Variants in MED29 observed in about 807,000 individuals in gnomAD.
The protein encoded by MED29 is mediator complex subunit 29, also known as mediator of RNA polymerase II transcription subunit 29.
A neutral mutation model predicts 22.0 loss-of-function variants in MED29; 14 were observed. That is an observed-to-expected ratio of 0.64 (90% confidence interval 0.42 to 0.99). The LOEUF is 0.99. Among genes scored for constraint, MED29 ranks in the 50% least tolerant of loss-of-function variants. MED29 has a pLI of 0.00. For missense variants in MED29, 241 were observed against 253.7 expected, an observed-to-expected ratio of 0.95 and a Z score of 0.34; for synonymous variants, 123 against 107.8, an observed-to-expected ratio of 1.14 and a Z score of -0.87.
intron 2 of MED29, among the ~76,000 whole-genome samples, chr19:39,393,081 C>CTTTTTTTCTTTTTTTTT (rs2078406568): frequency 2.9e-5 from 1 of 34,712 alleles, no homozygotes; most frequent in Non-Finnish European, 5.5e-5. Flanking sequence ...TCTTTCTTTT[C>CTTTTTTTCTTTTTTTTT]TTTTTTTTTT....
chr19:39,391,744 A>C, intron 1 of MED29, 106 bp downstream of exon 1: 10 of 1,366,298 alleles, frequency 7.3e-6, no homozygotes, highest in Non-Finnish European at 9.8e-6. Context: ...GAGGAATAGA[A>C]CCTGCTGTTT....
At position 39,393,528 on chromosome 19, in the gene MED29, G is replaced by A. The variant is rs79475116; in HGVS notation, c.276-25G>A. ...CCAAAGATTAGAAATCAATTCTTCA[G>A]ACATCCTTTTTTCCTTGTCTGTAGA... On this transcript the variant is annotated intron_variant, in intron 2 of 3. Transcript: ENST00000315588. 4.3e-4 allele frequency: 693 copies of A among 1,607,184 alleles called. 5 individuals carry two copies. The African/African-American group carries it at 8.4e-3, about 19-fold the overall frequency.
intron 3 of MED29, among the ~76,000 whole-genome samples, chr19:39,397,171 T>G (rs2078433115): frequency 6.6e-6 from 1 of 152,212 alleles, no homozygotes; most frequent in African/African-American, 2.4e-5. Flanking sequence ...TTAAACAGTG[T>G]GCCAGGACCC....
chr19:39,393,432 C>T, intron 2 of MED29, 121 bp from the exon 3 acceptor site: 1 of 912,134 alleles, frequency 1.1e-6, no homozygotes, highest in South Asian at 1.4e-5. Flanking sequence ...CGGTTTTCAA[C>T]CACTACTTCA....
At chr19:39,393,497 G>T in intron 2 of MED29, 56 bp from the exon 3 acceptor site, 3 of 1,497,966 alleles carry the variant, frequency 2.0e-6, no homozygotes, top group Non-Finnish European at 2.8e-6. Context: ...GGTAGATACT[G>T]GTGTCCCAAA....
Position 39,399,789 on chromosome 19 carries a change from ACAT to A in MED29, c.*2093_*2095del, listed in dbSNP as rs1248141224. 2.0e-5 allele frequency: 3 copies of A among 152,310 alleles called. No individual in the cohort carries two copies. The highest frequency in any genetic ancestry group is 4.1e-4 in the South Asian group (2 of 4,826). The allele number at this position is 152,310 out of a possible 1,614,324, so 9.4% of individuals were successfully genotyped here. ...GGCCCTCCCAGGTGGTGTCAACACAACATCACACACAGGTGGGGGGGCCTGATA... is the reference window on the plus strand; with the variant it reads ...GGCCCTCCCAGGTGGTGTCAACACAACACACACAGGTGGGGGGGCCTGATA... On this transcript the variant is annotated 3_prime_UTR_variant, in exon 4 of 4. Coordinates refer to ENST00000315588, the MANE Select transcript of MED29 (RefSeq NM_017592.4).
In MED29 at chr19:39,397,646, A is replaced by T. The variant is rs1472986440; in HGVS notation, c.550A>T (p.Lys184Ter). The change falls in exon 4 of 4, where the codon AAG becomes TAG. Residue 184 changes from lysine to a stop codon, truncating the protein, a stop_gained. Coordinates refer to ENST00000315588, the MANE Select transcript of MED29 (RefSeq NM_017592.4). LOFTEE classifies it high-confidence loss of function. ...IHTALLDCANKVTGKTPAPPA... is the reference protein window; with the variant it reads ...IHTALLDCAN Reference sequence around the variant, plus strand: ...CACCGCCCTGCTGGACTGTGCCAACAAGGTCACGGGCAAGACACCCGCACC... The same window carrying T: ...CACCGCCCTGCTGGACTGTGCCAACTAGGTCACGGGCAAGACACCCGCACC... 3 of 1,613,024 alleles carry T rather than the reference A, an allele frequency of 1.9e-6. No individual in the cohort carries two copies. In the East Asian group the frequency reaches 6.7e-5, roughly 36 times the overall value.
rs548339756 is a variant in MED29, at chr19:39,393,067, T to C, written c.276-486T>C. Among the ~76,000 whole-genome samples, 831 of 119,362 alleles carry C rather than the reference T, an allele frequency of 7.0e-3. 11 individuals carry two copies. The highest frequency in any genetic ancestry group is 0.011 in the Non-Finnish European group (629 of 59,786). 78.3% of individuals were successfully genotyped at this position (119,362 alleles called of 152,430 possible). Reference sequence around the variant, plus strand: ...GCCCAGCCTTTTCCTTTTCTTTCTTTCTTTCTTTCTTTTCTTTTTTTTTTT... The same window carrying C: ...GCCCAGCCTTTTCCTTTTCTTTCTTCCTTTCTTTCTTTTCTTTTTTTTTTT... On this transcript the variant is annotated intron_variant, in intron 2 of 3. Transcript: ENST00000315588.
intron 3 of MED29, 82 bp from the exon 4 acceptor site, chr19:39,397,375 G>A (rs538365028): frequency 1.3e-4 from 189 of 1,480,250 alleles, no homozygotes; most frequent in East Asian, 3.2e-4. Flanking sequence ...AGGCCAAGCC[G>A]ACAACCCCCA....
At chr19:39,391,846 G>A (rs1409298388) in intron 1 of MED29, among the ~76,000 whole-genome samples, 1 of 152,072 alleles carries the variant, frequency 6.6e-6, no homozygotes, top group African/African-American at 2.4e-5. Flanking sequence ...CCAGCCTGGT[G>A]AAACCTCGTC....
intron 3 of MED29, among the ~76,000 whole-genome samples, chr19:39,395,883 C>CT (rs1489925897): frequency 2.0e-5 from 3 of 151,854 alleles, no homozygotes; most frequent in Non-Finnish European, 4.4e-5. Context: ...CACCACTGCA[C>CT]TCCAGCCTGG....
chr19:39,392,790 G>A, intron 2 of MED29: 1 of 410,462 alleles, frequency 2.4e-6, no homozygotes, highest in African/African-American at 2.1e-5. Flanking sequence ...GACTACAGAT[G>A]CCTGGCTAAT....
At position 39,391,457 on chromosome 19, in the gene MED29, C is replaced by T. The variant is rs78380192; in HGVS notation, c.35C>T (p.Ser12Phe). ...AASQQQASAA[S>F]SAAGVSGPSS... ...TCCCAGCAGCAAGCTTCAGCGGCTT[C>T]CTCAGCTGCTGGTGTATCGGGTCCT... is the stretch of plus-strand genomic sequence containing the variant. The change falls in exon 1 of 4, where the codon TCC becomes TTC. Residue 12 changes from serine to phenylalanine, a missense_variant. Ser to Phe is a radical substitution (Grantham distance 155). Coordinates refer to ENST00000315588, the MANE Select transcript of MED29 (RefSeq NM_017592.4). 1.9e-6 allele frequency: 3 copies of T among 1,613,220 alleles called. No homozygotes were observed. Among genetic ancestry groups the T allele is most frequent in the Non-Finnish European group, 2.5e-6 (3 of 1,179,732 alleles).
rs898041604 is a variant in MED29, at chr19:39,393,448, C to T, written c.276-105C>T. ...GGTTTTCAACCACTACTTCAGATCT[C>T]CTGGACCTGTACCTGGTTTCCTGAT... On this transcript the variant is annotated intron_variant, in intron 2 of 3. Coordinates refer to ENST00000315588, the MANE Select transcript of MED29 (RefSeq NM_017592.4). 4 of 1,063,932 alleles carry T rather than the reference C, an allele frequency of 3.8e-6. No homozygotes were observed. In the African/African-American group the frequency reaches 6.2e-5, roughly 17 times the overall value. The allele number at this position is 1,063,932 out of a possible 1,614,324, so 65.9% of individuals were successfully genotyped here. A position where few individuals can be genotyped will look rare whatever the true frequency, so the allele number is the denominator to read the frequency against.
chr19:39,397,710 AG>A lies in MED29; in HGVS notation c.*14del. On this transcript the variant is annotated 3_prime_UTR_variant, in exon 4 of 4. Coordinates refer to ENST00000315588, the MANE Select transcript of MED29 (RefSeq NM_017592.4). Reference sequence around the variant, plus strand: ...GGGGGCACTCTGTGAAGTGGGGGACAGGGAGTGGGGCAGGCAGTGGTTGGTG... The same window carrying A: ...GGGGGCACTCTGTGAAGTGGGGGACAGGAGTGGGGCAGGCAGTGGTTGGTG... 1 of 1,603,898 alleles carries A rather than the reference AG, an allele frequency of 6.2e-7. No individual in the cohort carries two copies.
intron 3 of MED29, among the ~76,000 whole-genome samples, chr19:39,396,026 C>T (rs771061548): frequency 2.6e-5 from 4 of 152,160 alleles, no homozygotes; most frequent in Non-Finnish European, 5.9e-5. Flanking sequence ...GTGTGGGCGC[C>T]ATTAGTGCAG....
chr19:39,397,082 C>G (rs1168371255), intron 3 of MED29, among the ~76,000 whole-genome samples: 1 of 151,754 alleles, frequency 6.6e-6, no homozygotes, highest in African/African-American at 2.4e-5. Context: ...GGCAGAAAAC[C>G]AGGGGTGAGA....
Position 39,398,080 on chromosome 19 carries a change from C to G in MED29, c.*381C>G. The G allele has an allele frequency of 2.3e-6, 1 of 429,926 alleles. No individual in the cohort carries two copies. Among genetic ancestry groups the G allele is most frequent in the East Asian group, 3.5e-5 (1 of 28,712 alleles). 26.6% of individuals were successfully genotyped at this position (429,926 alleles called of 1,614,324 possible). ...CTCTGTGTCTCTATTACAGTTGTGT[C>G]TCTCTCATCCTGTCTCTTTTTCCCT... On this transcript the variant is annotated 3_prime_UTR_variant, in exon 4 of 4. Coordinates refer to ENST00000315588, the MANE Select transcript of MED29 (RefSeq NM_017592.4).
Position 39,399,964 on chromosome 19 carries a change from A to G in MED29, c.*2265A>G, listed in dbSNP as rs2078453131. 1 of 152,246 alleles carries G rather than the reference A, an allele frequency of 6.6e-6. No homozygotes were observed. Among genetic ancestry groups the G allele is most frequent in the Non-Finnish European group, 1.5e-5 (1 of 68,040 alleles). 9.4% of individuals were successfully genotyped at this position (152,246 alleles called of 1,614,324 possible). On this transcript the variant is annotated 3_prime_UTR_variant, in exon 4 of 4. Transcript: ENST00000315588. The stretch of plus-strand genomic sequence containing the variant: ...CACCACTGAGTTGCACTCAGCAAAC[A>G]CATTGGGTATCTTGTGCCCAAGGCC...
Sources: allele counts gnomAD v4.1 joint callset (sites outside exome capture counted in the v4.1 genomes callset), GRCh38; gene constraint gnomAD v4.1.1; transcripts MANE v1.5; gene names NCBI Gene and HGNC (gene_info 2026-07-23, HGNC 2026-07-21).